IL3RA: variants seen among roughly 807,000 people sequenced by gnomAD.
The protein encoded by IL3RA is interleukin-3 receptor subunit alpha.
A neutral mutation model predicts 52.3 loss-of-function variants in IL3RA; 73 were observed. That is an observed-to-expected ratio of 1.40 (90% CI 1.16 to 1.70). IL3RA has a LOEUF of 1.70. Ranked by LOEUF, IL3RA falls within the 40% of genes most tolerant of loss-of-function variation. The pLI is 0.00. For missense variants in IL3RA, 664 were observed against 504.4 expected (o/e 1.32, Z -3.03); for synonymous variants, 260 against 194.0 (o/e 1.34, Z -2.83).
At chrX:1,357,490 G>C in intron 7 of IL3RA, among the ~76,000 whole-genome samples, 1 of 151,758 alleles carries the variant, frequency 6.6e-6, no homozygotes, top group East Asian at 2.0e-4. Flanking sequence ...CTCCTGAGTA[G>C]CTGGAATTAC....
intron 2 of IL3RA, among the ~76,000 whole-genome samples, chrX:1,342,561 T>TC (rs569312049): frequency 3.9e-5 from 5 of 129,694 alleles, no homozygotes; most frequent in Non-Finnish European, 8.3e-5. Context: ...TTTAACTTCT[T>TC]TTTTTTTTTT....
intron 4 of IL3RA, among the ~76,000 whole-genome samples, chrX:1,349,414 T>A (rs1173892058): frequency 6.6e-6 from 1 of 151,868 alleles, no homozygotes; most frequent in African/African-American, 2.4e-5. Flanking sequence ...ACTCCTGACT[T>A]CGTGATCTGC....
At position 1,336,790 on chromosome X, in the gene IL3RA, G is replaced by A. The variant is rs182186391; in HGVS notation, c.-175G>A. Reference sequence around the variant, plus strand: ...GCTCAATCGGGGAGTACAACCTTCGGTTTCTCTTCGGGGAAAGCTGCTTTC... The same window carrying A: ...GCTCAATCGGGGAGTACAACCTTCGATTTCTCTTCGGGGAAAGCTGCTTTC... On this transcript the variant is annotated 5_prime_UTR_variant, in exon 1 of 12. Coordinates refer to ENST00000331035, the MANE Select transcript of IL3RA (RefSeq NM_002183.4). 281 of 152,258 alleles carry A rather than the reference G, an allele frequency of 1.8e-3. 2 individuals are homozygous for A. The highest frequency in any genetic ancestry group is 6.6e-3 in the African/African-American group (274 of 41,550). 9.4% of individuals were successfully genotyped at this position (152,258 alleles called of 1,614,324 possible).
chrX:1,378,701 C>T lies in IL3RA; in HGVS notation c.917C>T (p.Thr306Met), dbSNP rs746515284. ...EEGANTRAWR[T>M]SLLIALGTLL... is the part of the protein sequence containing the mutation. Reference sequence around the variant, plus strand: ...GGCGCAAACACACGTGCCTGGCGGACGTCGCTGCTGATCGCGCTGGGGACG... The same window carrying T: ...GGCGCAAACACACGTGCCTGGCGGATGTCGCTGCTGATCGCGCTGGGGACG... Residue 306 changes from threonine to methionine, a missense_variant, in exon 10 of 12, where the codon ACG becomes ATG. Thr to Met is a moderately conservative substitution (Grantham distance 81, BLOSUM62 -1). Transcript: ENST00000331035. 25 of 1,612,722 alleles carry T rather than the reference C, an allele frequency of 1.6e-5. No homozygotes were observed. Among genetic ancestry groups the T allele is most frequent in the Admixed American group, 5.0e-5 (3 of 59,998 alleles).
chrX:1,353,240 T>G (rs1360395902), intron 6 of IL3RA, among the ~76,000 whole-genome samples: 1 of 140,862 alleles, frequency 7.1e-6, no homozygotes, highest in Non-Finnish European at 1.5e-5. Flanking sequence ...CATCATGGGT[T>G]CCACCATGAG....
intron 9 of IL3RA, among the ~76,000 whole-genome samples, chrX:1,374,120 G>T (rs1312569241): frequency 4.5e-4 from 23 of 51,164 alleles, no homozygotes; most frequent in Middle Eastern, 8.3e-3. Flanking sequence ...GCCTCAGGAG[G>T]AACCAGCACT....
At position 1,381,042 on chromosome X, in the gene IL3RA, CTCTT is replaced by C. The variant is rs1569528639; in HGVS notation, c.1003_1006del (p.Phe335ProfsTer6). On this transcript the variant is annotated frameshift_variant, in exon 11 of 12. Transcript: ENST00000331035. LOFTEE classifies it high-confidence loss of function. Reference sequence around the variant, plus strand: ...TCCGAGGTATCTGGTGATGCAGAGACTCTTTCCCCGCATCCCTCACATGAAAGAC... The same window carrying C: ...TCCGAGGTATCTGGTGATGCAGAGACTCCCCGCATCCCTCACATGAAAGAC... 1 of 1,613,814 alleles carries C rather than the reference CTCTT, an allele frequency of 6.2e-7. No individual in the cohort carries two copies. The highest frequency in any genetic ancestry group is 8.5e-7 in the Non-Finnish European group (1 of 1,179,728).
intron 11 of IL3RA, among the ~76,000 whole-genome samples, chrX:1,381,603 T>C (rs752476894): frequency 6.6e-6 from 1 of 151,670 alleles, no homozygotes; most frequent in South Asian, 2.1e-4. Context: ...AATGGTGCGA[T>C]CTTGGCTCAC....
intron 8 of IL3RA, among the ~76,000 whole-genome samples, chrX:1,361,456 C>G (rs1392370820): frequency 1.3e-5 from 2 of 152,028 alleles, no homozygotes; most frequent in Non-Finnish European, 2.9e-5. Flanking sequence ...GCGGGCAAGA[C>G]AGAATGAGAC....
chrX:1,342,990 G>A (rs17881593), intron 2 of IL3RA, among the ~76,000 whole-genome samples: 2,677 of 151,540 alleles, frequency 0.018, 30 homozygotes, highest in Non-Finnish European at 0.027. Flanking sequence ...CAGGAGAGTC[G>A]CTTGAACCCG....
At chrX:1,368,377 G>T (rs1199725063) in intron 9 of IL3RA, among the ~76,000 whole-genome samples, 2 of 152,046 alleles carry the variant, frequency 1.3e-5, no homozygotes, top group Non-Finnish European at 2.9e-5. Flanking sequence ...CTGAGGTCAG[G>T]AGTTCGAGAC....
At chrX:1,363,211 G>C (rs1466365661) in intron 8 of IL3RA, among the ~76,000 whole-genome samples, 1 of 152,122 alleles carries the variant, frequency 6.6e-6, no homozygotes, top group Admixed American at 6.5e-5. Context: ...ATTGTAAGGT[G>C]CTGGGGGCTA....
At chrX:1,347,813 T>C (rs6645244) in intron 3 of IL3RA, among the ~76,000 whole-genome samples, 30,162 of 133,882 alleles carry the variant, frequency 0.23, 3,591 homozygotes, top group East Asian at 0.38. Context: ...CCGAGGAGGG[T>C]GGATCACGAG....
intron 3 of IL3RA, among the ~76,000 whole-genome samples, chrX:1,346,851 G>A (rs1229108241): frequency 3.3e-5 from 5 of 151,212 alleles, no homozygotes; most frequent in Non-Finnish European, 4.4e-5. Flanking sequence ...AGCTATGTTC[G>A]TTCAATACAA....
chrX:1,359,121 G>A (rs112493615), intron 8 of IL3RA, among the ~76,000 whole-genome samples: 2 of 151,956 alleles, frequency 1.3e-5, no homozygotes, highest in African/African-American at 4.8e-5. Context: ...CCAAATTGAG[G>A]GATGGGAAAA....
chrX:1,363,352 G>C (rs181859564), intron 8 of IL3RA, among the ~76,000 whole-genome samples: 1,964 of 148,100 alleles, frequency 0.013, 53 homozygotes, highest in African/African-American at 0.047. Flanking sequence ...CCAGGCTGGA[G>C]TGCAGTGGCG....
chrX:1,378,545 G>A (rs1440100720), intron 9 of IL3RA, 114 bp from the exon 10 acceptor site: 11 of 879,112 alleles, frequency 1.3e-5, no homozygotes, highest in East Asian at 5.3e-5. Flanking sequence ...CCCCCTGGAC[G>A]CCACCCCATA....
intron 1 of IL3RA, among the ~76,000 whole-genome samples, chrX:1,337,657 T>C (rs2085360177): frequency 1.4e-5 from 2 of 138,876 alleles, no homozygotes; most frequent in Admixed American, 7.4e-5. Context: ...TGGATAAATA[T>C]AATGTGGTCC....
At chrX:1,347,897 C>T (rs1427528006) in intron 3 of IL3RA, among the ~76,000 whole-genome samples, 15 of 151,028 alleles carry the variant, frequency 9.9e-5, no homozygotes, top group East Asian at 3.9e-4. Context: ...ATTAGCCGGG[C>T]GTGGTGGCGG....
Sources: allele counts gnomAD v4.1 joint callset (sites outside exome capture counted in the v4.1 genomes callset), GRCh38; gene constraint gnomAD v4.1.1; transcripts MANE v1.5; gene names NCBI Gene and HGNC (gene_info 2026-07-23, HGNC 2026-07-21).